Variants in PLXNA4 observed in about 807,000 individuals in gnomAD.
PLXNA4 encodes plexin A4, also known as plexin-A4.
Under a neutral mutation model 191.8 loss-of-function variants are expected in PLXNA4, and 44 were observed. The ratio of observed to expected loss-of-function variants is 0.23; its 90% CI spans 0.18 to 0.29. PLXNA4 has a LOEUF of 0.29. Among genes scored for constraint, PLXNA4 ranks in the 10% least tolerant of loss-of-function variants. The pLI is 1.00. For missense variants in PLXNA4, 1,800 were observed against 2,488.8 expected (o/e 0.72, Z 5.89); for synonymous variants, 1,082 against 1,009.5 (o/e 1.07, Z -1.36).
In PLXNA4 at chr7:132,508,865, G is replaced by C; in HGVS notation, c.-86-86C>G. Reference sequence around the variant, plus strand: ...GCTTGTCTGCCTGGACTTTCAAAATGTTCTGCACACACTGAGCAGAACTGC... The same window carrying C: ...GCTTGTCTGCCTGGACTTTCAAAATCTTCTGCACACACTGAGCAGAACTGC... On this transcript the variant is annotated intron_variant, in intron 1 of 31. Coordinates refer to ENST00000321063, the MANE Select transcript of PLXNA4 (RefSeq NM_020911.2). The surrounding 1 kb of genome is among the most constrained non-coding windows in gnomAD (Gnocchi z 4.4). 1 of 1,293,822 alleles carries C rather than the reference G, an allele frequency of 7.7e-7. No homozygotes were observed. Among genetic ancestry groups the C allele is most frequent in the East Asian group, 2.6e-5 (1 of 39,044 alleles). 80.1% of individuals were successfully genotyped at this position (1,293,822 alleles called of 1,614,324 possible).
intron 3 of PLXNA4, among the ~76,000 whole-genome samples, chr7:132,467,490 C>A (rs570402104): frequency 6.6e-6 from 1 of 152,294 alleles, no homozygotes; most frequent in African/African-American, 2.4e-5. Context: ...GTCTGCTCAC[C>A]AATGGTACTC....
chr7:132,296,195 TCATTCCTG>T (rs1252682289), intron 4 of PLXNA4, among the ~76,000 whole-genome samples: 1 of 152,158 alleles, frequency 6.6e-6, no homozygotes, highest in Non-Finnish European at 1.5e-5. Flanking sequence ...CTGGCTCTAT[TCATTCCTG>T]CCTTCCTTTC....
intron 30 of PLXNA4, among the ~76,000 whole-genome samples, chr7:132,133,963 C>T (rs971968239): frequency 6.6e-6 from 1 of 152,152 alleles, no homozygotes; most frequent in East Asian, 1.9e-4. Context: ...GCATCATAAA[C>T]CTCAAGGCCT....
At chr7:132,219,713 G>T (rs1461272465) in intron 9 of PLXNA4, among the ~76,000 whole-genome samples, 1 of 152,052 alleles carries the variant, frequency 6.6e-6, no homozygotes, top group Admixed American at 6.5e-5. Flanking sequence ...ATACAGTAAT[G>T]TTCCACAGAG....
At chr7:132,648,098 T>C in intron 1 of PLXNA4, among the ~76,000 whole-genome samples, 1 of 151,840 alleles carries the variant, frequency 6.6e-6, no homozygotes, top group Non-Finnish European at 1.5e-5. Flanking sequence ...CAGTGTCATA[T>C]ACACATATAC....
chr7:132,636,076 G>A lies in PLXNA4; in HGVS notation c.-87+9852C>T, dbSNP rs1803599905. ...TCCAAAAGGCTCCAATGTGCATAGG[G>A]AGGTGTGAGGAAAAGCATCCACTAT... On this transcript the variant is annotated intron_variant, in intron 2 of 4. Coordinates refer to the PLXNA4 transcript ENST00000378539. 2.0e-5 allele frequency among the ~76,000 whole-genome samples: 3 copies of A among 152,190 alleles called. No homozygotes were observed. The South Asian group carries it at 6.2e-4, about 32-fold the overall frequency.
At chr7:132,433,734 G>A (rs1405212401) in intron 3 of PLXNA4, among the ~76,000 whole-genome samples, 2 of 152,020 alleles carry the variant, frequency 1.3e-5, no homozygotes, top group Non-Finnish European at 2.9e-5. Context: ...TGATATCCGC[G>A]ACCTCCTGAG....
intron 12 of PLXNA4, among the ~76,000 whole-genome samples, chr7:132,200,717 C>T (rs575539796): frequency 2.0e-5 from 3 of 152,350 alleles, no homozygotes; most frequent in East Asian, 1.9e-4. Context: ...TTCTTGCTTT[C>T]ACACATCCCT....
At chr7:132,462,433 A>G (rs1013120969) in intron 3 of PLXNA4, among the ~76,000 whole-genome samples, 7 of 152,326 alleles carry the variant, frequency 4.6e-5, no homozygotes, top group Middle Eastern at 3.4e-3. Context: ...TTAGGCTGCC[A>G]CTAAAAACCA....
chr7:132,456,432 GC>G (rs1339166546), intron 3 of PLXNA4, among the ~76,000 whole-genome samples: 1 of 152,088 alleles, frequency 6.6e-6, no homozygotes, highest in Non-Finnish European at 1.5e-5. Context: ...TTTTTATAAG[GC>G]CAAGAGCGTG....
At chr7:132,177,033 GTA>G (rs149320707) in intron 20 of PLXNA4, among the ~76,000 whole-genome samples, 26,512 of 152,106 alleles carry the variant, frequency 0.17, 2,538 homozygotes, top group Middle Eastern at 0.28. Flanking sequence ...GAGTGTGTAA[GTA>G]TATGTCAGTG....
intron 3 of PLXNA4, among the ~76,000 whole-genome samples, chr7:132,488,926 G>A (rs1797668103): frequency 6.6e-6 from 1 of 152,262 alleles, no homozygotes; most frequent in African/African-American, 2.4e-5. Flanking sequence ...GAACAGGCAT[G>A]TCCCTTCCCC....
chr7:132,593,279 C>G (rs530376395), intron 2 of PLXNA4, among the ~76,000 whole-genome samples: 1 of 151,148 alleles, frequency 6.6e-6, no homozygotes, highest in Non-Finnish European at 1.5e-5. Flanking sequence ...GTTAGTCACA[C>G]CCTCAGAGAA....
chr7:132,517,540 C>G (rs1180012235), intron 1 of PLXNA4, among the ~76,000 whole-genome samples: 1 of 152,194 alleles, frequency 6.6e-6, no homozygotes, highest in Non-Finnish European at 1.5e-5. Flanking sequence ...GGCAGAAACA[C>G]AGCAAGCTCA....
intron 5 of PLXNA4, 98 bp from the exon 6 acceptor site, chr7:132,228,567 T>A (rs1383517972): frequency 6.6e-7 from 1 of 1,506,560 alleles, no homozygotes. Context: ...TCCCAGGATG[T>A]GTCCAAACTC....
At position 132,313,645 on chromosome 7, in the gene PLXNA4, C is replaced by T. The variant is rs117330661; in HGVS notation, c.1372-15423G>A. 6.1e-3 allele frequency among the ~76,000 whole-genome samples: 928 copies of T among 152,018 alleles called. 9 individuals are homozygous for T. Among genetic ancestry groups the T allele is most frequent in the Non-Finnish European group, 0.01 (702 of 67,960 alleles). ...TGAATGTCACTGGTGGGAGTGTGGC[C>T]GATTGACTGTCTCATTGTTTTGGAC... On this transcript the variant is annotated intron_variant, in intron 3 of 31. Transcript: ENST00000321063.
intron 1 of PLXNA4, among the ~76,000 whole-genome samples, chr7:132,555,054 A>T (rs1166052106): frequency 6.6e-6 from 1 of 151,342 alleles, no homozygotes; most frequent in Non-Finnish European, 1.5e-5. Context: ...GGAAAAAAAA[A>T]AACAAAAAAA....
chr7:132,132,457 G>GC (rs1563048263), intron 31 of PLXNA4, among the ~76,000 whole-genome samples: 62 of 46,890 alleles, frequency 1.3e-3, no homozygotes, highest in Admixed American at 1.9e-3. Context: ...GTTCTGTTCT[G>GC]TTCTGTTCTG....
rs73157206 is a variant in PLXNA4 at position 132,244,462 on chromosome 7, A to G, written c.1504-3296T>C. On this transcript the variant is annotated intron_variant, in intron 4 of 31. Coordinates refer to ENST00000321063, the MANE Select transcript of PLXNA4 (RefSeq NM_020911.2). ...TGCCTGTAGTCTTTCCTTACGGAAT[A>G]TTTCTATTTATGATTTAACCATTTT... Among the ~76,000 whole-genome samples the G allele has an allele frequency of 1.2e-3, 178 of 152,290 alleles. 1 individual carries two copies. The highest frequency in any genetic ancestry group is 2.1e-3 in the Non-Finnish European group (143 of 68,032).
Sources: gnomAD v4.1 joint callset for allele counts (sites outside exome capture counted in the v4.1 genomes callset) on GRCh38, gnomAD v4.1.1 for gene constraint, Gnocchi (gnomAD v3.1) non-coding constraint, MANE v1.5 for transcripts, NCBI Gene and HGNC (gene_info 2026-07-23, HGNC 2026-07-21) for gene names.